Variants in OTUD7A observed in about 807,000 individuals in gnomAD.
OTUD7A encodes OTU domain-containing protein 7A.
A neutral mutation model predicts 65.7 loss-of-function variants in OTUD7A; 12 were observed. That is an observed-to-expected ratio of 0.18 (90% CI 0.12 to 0.30). The LOEUF is 0.30. Among genes scored for constraint, OTUD7A ranks in the 10% least tolerant of loss-of-function variants. The pLI, the probability that OTUD7A is intolerant of heterozygous loss-of-function variation, is 1.00. For synonymous variants in OTUD7A, 641 were observed against 586.3 expected (o/e 1.09, Z -1.35); for missense variants, 1,148 against 1,304.8 (o/e 0.88, Z 1.85).
intron 1 of OTUD7A, among the ~76,000 whole-genome samples, chr15:31,805,831 C>T (rs1272680901): frequency 6.6e-6 from 1 of 152,190 alleles, no homozygotes; most frequent in Non-Finnish European, 1.5e-5. Flanking sequence ...CAAATATCTA[C>T]ATTTAATCAA....
intron 1 of OTUD7A, among the ~76,000 whole-genome samples, chr15:31,753,727 A>ATATAT (rs1894727341): frequency 7.7e-6 from 1 of 130,532 alleles, no homozygotes; most frequent in Non-Finnish European, 1.6e-5. Context: ...TATATTATAT[A>ATATAT]TATATATATA....
In OTUD7A at chr15:31,586,435, G is replaced by C. The variant is rs138171515; in HGVS notation, c.152-16238C>G. 1.8e-3 allele frequency among the ~76,000 whole-genome samples: 272 copies of C among 152,294 alleles called. 3 individuals are homozygous for C. The highest frequency in any genetic ancestry group is 0.014 in the Middle Eastern group (4 of 294). ...CTGCACAGCAGCCCCCCAGGGCTGT[G>C]GGTACCACAGGCATTCACTCAGGGG... On this transcript the variant is annotated intron_variant, in intron 3 of 12. Coordinates refer to ENST00000307050, the MANE Select transcript of OTUD7A (RefSeq NM_001382637.1).
At chr15:31,852,985 G>C (rs1293501342) in intron 1 of OTUD7A, among the ~76,000 whole-genome samples, 1 of 152,128 alleles carries the variant, frequency 6.6e-6, no homozygotes, top group Non-Finnish European at 1.5e-5. Context: ...GGGAAGAGTG[G>C]GGACAGACGT....
chr15:31,579,403 A>G (rs1324237746), intron 3 of OTUD7A, among the ~76,000 whole-genome samples: 1 of 152,166 alleles, frequency 6.6e-6, no homozygotes, highest in African/African-American at 2.4e-5. Context: ...ATTAAGTAAA[A>G]GAAGGGTTAC....
At chr15:31,663,129 A>G (rs1254783345) in intron 1 of OTUD7A, among the ~76,000 whole-genome samples, 6 of 151,242 alleles carry the variant, frequency 4.0e-5, no homozygotes, top group Admixed American at 2.0e-4. Context: ...AATGCATTCA[A>G]TATAATATTA....
intron 1 of OTUD7A, among the ~76,000 whole-genome samples, chr15:31,776,946 A>C (rs748982640): frequency 2.6e-5 from 4 of 152,108 alleles, no homozygotes; most frequent in Non-Finnish European, 5.9e-5. Flanking sequence ...AAAGTATAAT[A>C]ATAATAAAAA....
chr15:31,842,900 G>C (rs979824645), intron 1 of OTUD7A, among the ~76,000 whole-genome samples: 2 of 152,138 alleles, frequency 1.3e-5, no homozygotes, highest in African/African-American at 4.8e-5. Context: ...ATGCCAGTGT[G>C]ACATGCATCC....
intron 1 of OTUD7A, among the ~76,000 whole-genome samples, chr15:31,713,826 A>G (rs1270697620): frequency 2.6e-5 from 4 of 151,884 alleles, no homozygotes; most frequent in Non-Finnish European, 4.4e-5. Context: ...AGCAAAATGG[A>G]AATATACTTG....
chr15:31,488,834 C>T (rs2041277314), intron 10 of OTUD7A, among the ~76,000 whole-genome samples: 1 of 152,234 alleles, frequency 6.6e-6, no homozygotes, highest in Admixed American at 6.5e-5. Context: ...TCTTCTTCTC[C>T]AGCTTCCCCA....
At chr15:31,860,239 A>G (rs1157158815) in intron 1 of OTUD7A, among the ~76,000 whole-genome samples, 1 of 152,178 alleles carries the variant, frequency 6.6e-6, no homozygotes, top group African/African-American at 2.4e-5. Context: ...TAATCAGTAA[A>G]TTATCTGGTT....
chr15:31,779,013 A>G (rs1895465474), intron 1 of OTUD7A, among the ~76,000 whole-genome samples: 1 of 152,338 alleles, frequency 6.6e-6, no homozygotes, highest in South Asian at 2.1e-4. Context: ...AATAAATTCT[A>G]CTTGATGAAT....
intron 4 of OTUD7A, among the ~76,000 whole-genome samples, chr15:31,564,095 G>T (rs939768850): frequency 7.7e-6 from 1 of 129,418 alleles, no homozygotes; most frequent in Non-Finnish European, 1.7e-5. Flanking sequence ...TAAAGACAAA[G>T]AATTAACTTG....
rs1282393097 is a variant in OTUD7A, at chr15:31,652,075, AT to A, written c.151+3020del. 2.6e-5 allele frequency among the ~76,000 whole-genome samples: 4 copies of A among 152,152 alleles called. No homozygotes were observed. The East Asian group carries it at 7.7e-4, about 29-fold the overall frequency. ...AAATTTAGAAAAATCACACTATCTG[AT>A]TTTAAGACTCATTACAAAGCTACAG... On this transcript the variant is annotated intron_variant, in intron 3 of 12. Coordinates refer to ENST00000307050, the MANE Select transcript of OTUD7A (RefSeq NM_001382637.1).
At chr15:31,685,851 G>A (rs1873705188) in intron 1 of OTUD7A, among the ~76,000 whole-genome samples, 2 of 152,228 alleles carry the variant, frequency 1.3e-5, no homozygotes, top group Non-Finnish European at 2.9e-5. Context: ...GTGCTGAATA[G>A]ACACTGGGTT....
intron 4 of OTUD7A, among the ~76,000 whole-genome samples, chr15:31,562,341 C>T (rs1356773820): frequency 6.6e-6 from 1 of 152,220 alleles, no homozygotes; most frequent in Non-Finnish European, 1.5e-5. Context: ...CGTTCCTTTG[C>T]CCTAAGCACT....
Position 31,626,883 on chromosome 15 carries a change from GTT to G in OTUD7A, c.151+28211_151+28212del, listed in dbSNP as rs71113403. Among the ~76,000 whole-genome samples, 380 of 146,346 alleles carry G rather than the reference GTT, an allele frequency of 2.6e-3. 4 individuals are homozygous for G. The highest frequency in any genetic ancestry group is 0.016 in the Admixed American group (234 of 14,780). On this transcript the variant is annotated intron_variant, in intron 3 of 12. Coordinates refer to ENST00000307050, the MANE Select transcript of OTUD7A (RefSeq NM_001382637.1). ...GAGCCACTGCACCCGGCCTATATTTGTTTTTTTTTTGTTTTGTTTTTTTGTTT... is the reference window on the plus strand; with the variant it reads ...GAGCCACTGCACCCGGCCTATATTTGTTTTTTTTGTTTTGTTTTTTTGTTT...
chr15:31,725,580 T>C (rs1595729244), intron 1 of OTUD7A, among the ~76,000 whole-genome samples: 1 of 152,230 alleles, frequency 6.6e-6, no homozygotes, highest in Non-Finnish European at 1.5e-5. Context: ...ACCAGAAGGA[T>C]AGACTGTGGT....
At chr15:31,753,705 T>TAATATATAACCTGTG (rs1894715612) in intron 1 of OTUD7A, among the ~76,000 whole-genome samples, 16 of 78,384 alleles carry the variant, frequency 2.0e-4, no homozygotes, top group African/African-American at 1.5e-3. Flanking sequence ...ATATATATTA[T>TAATATATAACCTGTG]ATATATATAT....
chr15:31,693,537 T>C (rs1595711728), intron 1 of OTUD7A, among the ~76,000 whole-genome samples: 1 of 151,988 alleles, frequency 6.6e-6, no homozygotes, highest in Middle Eastern at 3.4e-3. Flanking sequence ...GGCTCTGAAA[T>C]GCAGAATGTG....
Sources: allele counts gnomAD v4.1 joint callset (sites outside exome capture counted in the v4.1 genomes callset), GRCh38; gene constraint gnomAD v4.1.1; transcripts MANE v1.5; gene names NCBI Gene and HGNC (gene_info 2026-07-23, HGNC 2026-07-21).